The following NAPB variants were observed in gnomAD, a reference collection of about 807,000 sequenced individuals.
The protein encoded by NAPB is NSF attachment protein beta.
Under a neutral mutation model 44.7 loss-of-function variants are expected in NAPB, and 26 were observed. That is an observed-to-expected ratio of 0.58 (90% CI 0.43 to 0.81). The LOEUF is 0.81. NAPB is among the 30% of genes least tolerant of loss of function. The pLI, the probability that NAPB is intolerant of heterozygous loss-of-function variation, is 0.00. For synonymous variants in NAPB, 120 were observed against 116.8 expected (o/e 1.03, Z -0.18); for missense variants, 315 against 356.4 (o/e 0.88, Z 0.94).
chr20:23,404,170 A>G (rs1302223817), intron 1 of NAPB, among the ~76,000 whole-genome samples: 5 of 152,220 alleles, frequency 3.3e-5, no homozygotes, highest in African/African-American at 1.2e-4. Context: ...TTACTATGCT[A>G]AGGCCCCTCC....
At chr20:23,419,667 G>A (rs762010761) in intron 1 of NAPB, among the ~76,000 whole-genome samples, 182 of 152,356 alleles carry the variant, frequency 1.2e-3, no homozygotes, top group Admixed American at 1.2e-3. Context: ...AGGAGTTAGT[G>A]TGGCGCTAGC....
rs760985066 is a variant in NAPB at position 23,381,291 on chromosome 20, A to G, written c.588T>C (p.Pro196=). The part of the protein sequence containing the change: ...EQVGANTMDN[P]LLKYSAKDYF... ...AATCCTTTGCACTGTATTTCAACAA[A>G]GGATTATCCATTGTGTTTGCCCCAA... is the stretch of plus-strand genomic sequence containing the variant. Residue 196 remains proline (P), a synonymous_variant, in exon 8 of 11, where the codon CCT becomes CCC. Transcript: ENST00000377026. The G allele has an allele frequency of 2.5e-6, 4 of 1,599,448 alleles. No homozygotes were observed. In the South Asian group the frequency reaches 3.4e-5, roughly 13 times the overall value.
intron 1 of NAPB, among the ~76,000 whole-genome samples, chr20:23,417,022 T>C (rs1986047181): frequency 6.6e-6 from 1 of 151,876 alleles, no homozygotes; most frequent in South Asian, 2.1e-4. Flanking sequence ...AAACTCAGAC[T>C]AAACACTGAA....
chr20:23,420,512 G>A (rs960394267), intron 1 of NAPB, among the ~76,000 whole-genome samples: 1 of 151,956 alleles, frequency 6.6e-6, no homozygotes. Flanking sequence ...ACCTGCAGGC[G>A]GGACGCCCCC....
intron 7 of NAPB, among the ~76,000 whole-genome samples, chr20:23,388,626 C>T (rs1178523682): frequency 6.6e-6 from 1 of 152,098 alleles, no homozygotes; most frequent in Non-Finnish European, 1.5e-5. Context: ...AAATAATTTT[C>T]AATAAGGGTC....
Position 23,406,378 on chromosome 20 carries a change from T to C in NAPB, c.99-3306A>G, listed in dbSNP as rs544218122. 1.4e-4 allele frequency among the ~76,000 whole-genome samples: 22 copies of C among 152,294 alleles called. No homozygotes were observed. The South Asian group carries it at 1.4e-3, about 10-fold the overall frequency. On this transcript the variant is annotated intron_variant, in intron 1 of 10. Coordinates refer to ENST00000377026, the MANE Select transcript of NAPB (RefSeq NM_022080.3). Reference sequence around the variant, plus strand: ...ATGTTCTAAAACTGCTGTGGTTGCATAGCCCTGTGAATAGGCTAAAAACCT... The same window carrying C: ...ATGTTCTAAAACTGCTGTGGTTGCACAGCCCTGTGAATAGGCTAAAAACCT...
At chr20:23,420,135 C>T (rs1021768940) in intron 1 of NAPB, among the ~76,000 whole-genome samples, 1 of 152,158 alleles carries the variant, frequency 6.6e-6, no homozygotes, top group Non-Finnish European at 1.5e-5. Context: ...CCTTTCTCAT[C>T]CTAAACAGCT....
intron 5 of NAPB, among the ~76,000 whole-genome samples, chr20:23,391,390 A>AGT (rs1198857640): frequency 6.6e-6 from 1 of 152,210 alleles, no homozygotes; most frequent in African/African-American, 2.4e-5. Flanking sequence ...GTCAGATGAT[A>AGT]GTGTGTGCTG....
At chr20:23,410,100 G>T (rs992427152) in intron 1 of NAPB, among the ~76,000 whole-genome samples, 13 of 152,216 alleles carry the variant, frequency 8.5e-5, no homozygotes, top group Admixed American at 2.6e-4. Flanking sequence ...AACTTAGAAG[G>T]TGGGGGCAGC....
chr20:23,401,058 T>C (rs553892288), intron 2 of NAPB, among the ~76,000 whole-genome samples: 2 of 150,934 alleles, frequency 1.3e-5, no homozygotes, highest in Non-Finnish European at 2.9e-5. Context: ...ACCTCACCAA[T>C]AAGTTGACAT....
intron 2 of NAPB, 45 bp from the exon 3 acceptor site, chr20:23,397,233 C>T: frequency 1.3e-6 from 2 of 1,576,506 alleles, no homozygotes; most frequent in Non-Finnish European, 1.7e-6. Flanking sequence ...AAGTCCCCCC[C>T]AGAGCAGCCC....
chr20:23,417,915 C>A (rs1410529051), intron 1 of NAPB, among the ~76,000 whole-genome samples: 3 of 152,116 alleles, frequency 2.0e-5, no homozygotes, highest in African/African-American at 7.2e-5. Context: ...CTCATAAATA[C>A]ATATGCATAT....
chr20:23,377,755 A>G (rs1982634372), intron 10 of NAPB, among the ~76,000 whole-genome samples: 1 of 152,230 alleles, frequency 6.6e-6, no homozygotes, highest in African/African-American at 2.4e-5. Context: ...ATTAACAGTC[A>G]TAATTATTGT....
intron 2 of NAPB, among the ~76,000 whole-genome samples, chr20:23,398,575 T>G (rs1388480139): frequency 6.6e-6 from 1 of 152,124 alleles, no homozygotes; most frequent in Non-Finnish European, 1.5e-5. Context: ...GTTTGGTGGC[T>G]CAAGCCTATA....
intron 1 of NAPB, among the ~76,000 whole-genome samples, chr20:23,417,010 G>A (rs1986046455): frequency 6.6e-6 from 1 of 151,652 alleles, no homozygotes. Flanking sequence ...TAGCTCTTGT[G>A]TAAACTCAGA....
At chr20:23,410,473 T>C (rs1024942276) in intron 1 of NAPB, among the ~76,000 whole-genome samples, 2 of 152,190 alleles carry the variant, frequency 1.3e-5, no homozygotes, top group Non-Finnish European at 2.9e-5. Flanking sequence ...TTTTCACTTA[T>C]AAGTGGTAGC....
At chr20:23,416,706 C>A (rs993362132) in intron 1 of NAPB, among the ~76,000 whole-genome samples, 2 of 152,048 alleles carry the variant, frequency 1.3e-5, no homozygotes, top group South Asian at 4.1e-4. Flanking sequence ...TGTCAGTAAA[C>A]CTGAGCCTAA....
chr20:23,416,521 A>G (rs374062850), intron 1 of NAPB, among the ~76,000 whole-genome samples: 9 of 152,260 alleles, frequency 5.9e-5, no homozygotes, highest in African/African-American at 2.2e-4. Flanking sequence ...AGTCACCAAA[A>G]TAGTAAATGA....
At chr20:23,405,971 A>G (rs1434437745) in intron 1 of NAPB, among the ~76,000 whole-genome samples, 1 of 152,098 alleles carries the variant, frequency 6.6e-6, no homozygotes, top group Non-Finnish European at 1.5e-5. Flanking sequence ...TTAATCCCCA[A>G]TGCAACAGTG....
Sources: gnomAD v4.1 joint callset for allele counts (sites outside exome capture counted in the v4.1 genomes callset) on GRCh38, gnomAD v4.1.1 for gene constraint, MANE v1.5 for transcripts, NCBI Gene and HGNC (gene_info 2026-07-23, HGNC 2026-07-21) for gene names.